The following DARS1 variants were observed in gnomAD, a reference collection of about 807,000 sequenced individuals.
The protein encoded by DARS1 is aspartate--tRNA ligase, cytoplasmic.
DARS1 carries 51 observed loss-of-function variants against 68.8 expected under a neutral mutation model. The observed-to-expected ratio is 0.74, with a 90% CI of 0.59 to 0.94. The LOEUF (loss-of-function observed/expected upper bound fraction) is 0.94. Among genes scored for constraint, DARS1 ranks in the 40% least tolerant of loss-of-function variants. The pLI is 0.00. For synonymous variants in DARS1, 203 were observed against 190.4 expected, an observed-to-expected ratio of 1.07 and a Z score of -0.55; for missense variants, 607 against 597.3, an observed-to-expected ratio of 1.02 and a Z score of -0.17.
At chr2:135,961,088 A>G (rs1286150997) in intron 4 of DARS1, among the ~76,000 whole-genome samples, 1 of 152,156 alleles carries the variant, frequency 6.6e-6, no homozygotes, top group African/African-American at 2.4e-5. Flanking sequence ...AAGCTCAACA[A>G]ACACAACAAA....
At chr2:135,948,974 TAAAC>T (rs1003133616) in intron 4 of DARS1, among the ~76,000 whole-genome samples, 8 of 149,460 alleles carry the variant, frequency 5.4e-5, no homozygotes. Context: ...GGAAAGAAAA[TAAAC>T]AAACTTGTAG....
chr2:135,920,569 T>C lies in DARS1; in HGVS notation c.843A>G (p.Arg281=). Residue 281 remains arginine, a synonymous_variant, in exon 10 of 16, where the codon AGA becomes AGG. Transcript: ENST00000264161. ...VFRAEDSNTH[R]HLTEFVGLDI... ...CCAAACCAACAAACTCAGTTAGATG[T>C]CTATGGGTATTAGAGTCTTCCGCTC... The C allele has an allele frequency of 6.2e-7, 1 of 1,613,280 alleles. No homozygotes were observed. The highest frequency in any genetic ancestry group is 8.5e-7 in the Non-Finnish European group (1 of 1,179,724).
chr2:135,960,421 G>A (rs927772240), intron 4 of DARS1, among the ~76,000 whole-genome samples: 2 of 151,922 alleles, frequency 1.3e-5, no homozygotes, highest in African/African-American at 4.8e-5. Flanking sequence ...GCTAAATTAC[G>A]ATATTGAATT....
intron 3 of DARS1, among the ~76,000 whole-genome samples, chr2:135,972,336 A>G (rs75365510): frequency 0.014 from 2,148 of 152,310 alleles, 43 homozygotes; most frequent in African/African-American, 0.038. Flanking sequence ...GGGGGAAAAT[A>G]GTCTTTTCAA....
intron 4 of DARS1, among the ~76,000 whole-genome samples, chr2:135,947,823 G>GA (rs758373832): frequency 0.034 from 4,451 of 131,188 alleles, 154 homozygotes; most frequent in East Asian, 0.22. Flanking sequence ...TAGTTTCTGT[G>GA]AAAAAAAAAA....
intron 2 of DARS1, among the ~76,000 whole-genome samples, chr2:135,981,674 C>CTTTTTT (rs1312008531): frequency 7.1e-6 from 1 of 140,564 alleles, no homozygotes; most frequent in African/African-American, 2.6e-5. Flanking sequence ...GAAATTTTGG[C>CTTTTTT]TTTTTTTTTT....
At chr2:135,917,107 G>C (rs1015709567) in intron 10 of DARS1, among the ~76,000 whole-genome samples, 6 of 152,088 alleles carry the variant, frequency 3.9e-5, no homozygotes, top group African/African-American at 1.4e-4. Context: ...GCTGCAGCGA[G>C]CCAAGATCGG....
chr2:135,933,982 C>T lies in DARS1; in HGVS notation c.432G>A (p.Val144=). The change falls in exon 6 of 16, where the codon GTG becomes GTA. Residue 144 remains valine, a synonymous_variant. Transcript: ENST00000264161. ...GCAGACGGGGTTCAGCCAAACTGAT[C>T]ACATAAATCTGTAAGTGAGAGATTA... ...DVELHVQKIY[V]ISLAEPRLPL... is the part of the protein sequence containing the mutation. 6.2e-7 allele frequency: 1 copy of T among 1,611,790 alleles called. No individual in the cohort carries two copies. The highest frequency in any genetic ancestry group is 1.3e-5 in the African/African-American group (1 of 75,000).
At chr2:135,948,418 A>C (rs1186079807) in intron 4 of DARS1, among the ~76,000 whole-genome samples, 1 of 152,194 alleles carries the variant, frequency 6.6e-6, no homozygotes, top group Non-Finnish European at 1.5e-5. Context: ...GCCCTCTCCC[A>C]AAATTAAGCT....
Position 135,911,432 on chromosome 2 carries a change from CT to C in DARS1, c.1291del (p.Arg431GlufsTer8). On this transcript the variant is annotated frameshift_variant, in exon 14 of 16. Transcript: ENST00000264161. LOFTEE classifies it high-confidence loss of function. ...RGEEILSGAQ[R>X]IHDPQLLTER... Reference sequence around the variant, plus strand: ...TGTTAGCAGTTGAGGATCATGTATTCTTTGAGCTCCTGACAATATTTCTTCT... The same window carrying C: ...TGTTAGCAGTTGAGGATCATGTATTCTTGAGCTCCTGACAATATTTCTTCT... The C allele has an allele frequency of 9.2e-7, 1 of 1,085,260 alleles. No individual in the cohort carries two copies. Among genetic ancestry groups the C allele is most frequent in the Non-Finnish European group, 1.4e-6 (1 of 696,212 alleles). 67.2% of individuals were successfully genotyped at this position (1,085,260 alleles called of 1,614,324 possible).
intron 4 of DARS1, among the ~76,000 whole-genome samples, chr2:135,945,428 C>G (rs933535657): frequency 6.6e-6 from 1 of 152,070 alleles, no homozygotes; most frequent in African/African-American, 2.4e-5. Context: ...GCGCCCGGCC[C>G]AAACACATCT....
At chr2:135,941,951 G>A (rs1355278944) in intron 5 of DARS1, among the ~76,000 whole-genome samples, 1 of 152,124 alleles carries the variant, frequency 6.6e-6, no homozygotes. Flanking sequence ...CAAAACCAAT[G>A]AGATACCATC....
chr2:135,927,977 AT>A (rs979659381), intron 7 of DARS1, among the ~76,000 whole-genome samples: 15 of 152,320 alleles, frequency 9.8e-5, no homozygotes, highest in African/African-American at 3.4e-4. Context: ...GCAAAATTAT[AT>A]CTTTTGTGGA....
intron 3 of DARS1, among the ~76,000 whole-genome samples, chr2:135,975,063 G>A (rs186611378): frequency 7.2e-5 from 11 of 152,210 alleles, no homozygotes; most frequent in East Asian, 5.8e-4. Context: ...ACAATGATGC[G>A]GCCGGGCATA....
At chr2:135,977,836 A>C (rs1199839331) in intron 3 of DARS1, among the ~76,000 whole-genome samples, 1 of 152,172 alleles carries the variant, frequency 6.6e-6, no homozygotes, top group Non-Finnish European at 1.5e-5. Context: ...AAAAATTATA[A>C]AACACAATTA....
chr2:135,924,422 C>A lies in DARS1; in HGVS notation c.641G>T (p.Gly214Val). Residue 214 changes from glycine to valine, a missense_variant, in exon 8 of 16, where the codon GGT becomes GTT. Coordinates refer to ENST00000264161, the MANE Select transcript of DARS1 (RefSeq NM_001349.4). ...TTTAGGAGTTTGGATTTCCACAAAA[C>A]CTTTGTTAATTAAAGTTTCTCGGAA... ...HLFRETLINK[G>V]FVEIQTPKII... 3.1e-6 allele frequency: 5 copies of A among 1,605,816 alleles called. No homozygotes were observed. The highest frequency in any genetic ancestry group is 2.7e-5 in the African/African-American group (2 of 74,422).
intron 1 of DARS1, among the ~76,000 whole-genome samples, chr2:135,983,887 T>C (rs1244374525): frequency 6.6e-6 from 1 of 152,206 alleles, no homozygotes; most frequent in Non-Finnish European, 1.5e-5. Flanking sequence ...ACCAACGTTT[T>C]GGGTAAGCTT....
intron 15 of DARS1, 74 bp downstream of exon 15, chr2:135,911,051 GTAATTCACTTTTAA>G: frequency 1.5e-6 from 1 of 651,632 alleles, no homozygotes; most frequent in African/African-American, 1.9e-5. Context: ...CACTTATGTC[GTAATTCACTTTTAA>G]AAATTCTTGT....
chr2:135,945,143 T>TG (rs202241009), intron 4 of DARS1, among the ~76,000 whole-genome samples: 1 of 152,124 alleles, frequency 6.6e-6, no homozygotes, highest in East Asian at 1.9e-4. Flanking sequence ...TTTTTTTTTT[T>TG]TGAGACAGGG....
Sources: gnomAD v4.1 joint callset for allele counts (sites outside exome capture counted in the v4.1 genomes callset) on GRCh38, gnomAD v4.1.1 for gene constraint, MANE v1.5 for transcripts, NCBI Gene and HGNC (gene_info 2026-07-23, HGNC 2026-07-21) for gene names.